Variants in CILP observed in about 807,000 individuals in gnomAD.
CILP encodes the protein cartilage intermediate layer protein.
In CILP, 75 loss-of-function variants were observed where a neutral mutation model predicts 82.5. The ratio of observed to expected loss-of-function variants is 0.91; its 90% CI spans 0.75 to 1.10. The LOEUF (loss-of-function observed/expected upper bound fraction) is 1.10, where lower values mean the gene tolerates loss of function less well. Among genes scored for constraint, CILP ranks in the 50% least tolerant of loss-of-function variants. The probability of loss-of-function intolerance (pLI) is 0.00; values close to 1 mark genes in which losing one functional copy is unlikely to be tolerated. For synonymous variants in CILP, 530 were observed against 580.3 expected, an observed-to-expected ratio of 0.91 and a Z score of 1.25; for missense variants, 1,479 against 1,530.8, an observed-to-expected ratio of 0.97 and a Z score of 0.56.
rs1385381218 is a variant in CILP, at chr15:65,197,986, C to G, written c.2300G>C (p.Ser767Thr). The change falls in exon 9 of 9, where the codon AGT (serine) becomes ACT (threonine). Residue 767 changes from serine (S) to threonine (T), a missense_variant. Coordinates refer to ENST00000261883, the MANE Select transcript of CILP (RefSeq NM_003613.4). The part of the protein sequence containing the change: ...RAYRSERFLP[S>T]EQIQGVVISV... ...GATCACAACCCCCTGGATCTGCTCACTAGGCAAGAACCTCTCACTCCGGTA... is the reference window on the plus strand; with the variant it reads ...GATCACAACCCCCTGGATCTGCTCAGTAGGCAAGAACCTCTCACTCCGGTA... 6 of 1,614,104 alleles carry G rather than the reference C, an allele frequency of 3.7e-6. No homozygotes were observed. The highest frequency in any genetic ancestry group is 1.7e-5 in the Admixed American group (1 of 60,012).
In CILP at chr15:65,196,016, G is replaced by C. The variant is rs1200275545; in HGVS notation, c.*715C>G. On this transcript the variant is annotated 3_prime_UTR_variant, in exon 9 of 9. Coordinates refer to ENST00000261883, the MANE Select transcript of CILP (RefSeq NM_003613.4). ...ACAGTGGCCTCAGAATCGAAATACA[G>C]AGTATGCATTTATTGACATCTGCCC... The C allele has an allele frequency of 6.6e-6, 1 of 152,210 alleles. No homozygotes were observed. The highest frequency in any genetic ancestry group is 1.5e-5 in the Non-Finnish European group (1 of 68,054). The allele number at this position is 152,210 out of a possible 1,614,324, so 9.4% of individuals were successfully genotyped here.
rs370038983 is a variant in CILP, at chr15:65,198,770, G to T, written c.1516C>A (p.Arg506Ser). The T allele has an allele frequency of 1.2e-6, 2 of 1,613,982 alleles. No individual in the cohort carries two copies. The highest frequency in any genetic ancestry group is 1.3e-5 in the African/African-American group (1 of 74,910). ...VSAADNGEPM[R>S]FGHVYMGNSR... The stretch of plus-strand genomic sequence containing the variant: ...TTCCCCATGTACACATGGCCAAAGC[G>T]CATGGGCTCCCCATTGTCAGCAGCA... Residue 506 changes from arginine (R) to serine (S), a missense_variant, in exon 9 of 9, where the codon CGC becomes AGC. Transcript: ENST00000261883.
At chr15:65,209,544 A>C in intron 2 of CILP, 151 bp downstream of exon 2, 2 of 626,596 alleles carry the variant, frequency 3.2e-6, no homozygotes, top group South Asian at 4.9e-5. Context: ...AAAAACAAAC[A>C]GGGTATAAAT....
chr15:65,202,852 T>TTC, intron 7 of CILP, among the ~76,000 whole-genome samples: 1 of 149,488 alleles, frequency 6.7e-6, no homozygotes, highest in African/African-American at 2.5e-5. Flanking sequence ...TTTTTTTTTT[T>TTC]TGAGACAAGA....
intron 4 of CILP, among the ~76,000 whole-genome samples, chr15:65,205,798 C>T (rs1044653517): frequency 6.6e-6 from 1 of 152,188 alleles, no homozygotes; most frequent in African/African-American, 2.4e-5. Context: ...GCCACATGCT[C>T]CTATGGAAGG....
Position 65,198,508 on chromosome 15 carries a change from A to G in CILP, c.1778T>C (p.Val593Ala). 1 of 1,614,224 alleles carries G rather than the reference A, an allele frequency of 6.2e-7. No homozygotes were observed. Among genetic ancestry groups the G allele is most frequent in the Non-Finnish European group, 8.5e-7 (1 of 1,180,038 alleles). The change falls in exon 9 of 9, where the codon GTT becomes GCT. Residue 593 changes from valine to alanine, a missense_variant. Val to Ala is a moderately conservative substitution (Grantham distance 64). Coordinates refer to ENST00000261883, the MANE Select transcript of CILP (RefSeq NM_003613.4). ...ETNIIPLGEV[V>A]GEDPMAELEI... is the part of the protein sequence containing the mutation. Reference sequence around the variant, plus strand: ...CAGTTCAGCCATGGGGTCTTCACCAACCACTTCCCCCAGGGGGATGATGTT... The same window carrying G: ...CAGTTCAGCCATGGGGTCTTCACCAGCCACTTCCCCCAGGGGGATGATGTT...
At chr15:65,211,148 G>A (rs975521544) in intron 1 of CILP, among the ~76,000 whole-genome samples, 27 of 152,164 alleles carry the variant, frequency 1.8e-4, no homozygotes, top group African/African-American at 5.3e-4. Flanking sequence ...CTGGCTGACC[G>A]CAGGGAATAA....
In CILP at chr15:65,204,366, A is replaced by G; in HGVS notation, c.821T>C (p.Ile274Thr). ...IPGLCPDGKS[I>T]LKITKVKFAP... ...AAACTTGACCTTTGTGATCTTCAGG[A>G]TGCTTTTGCCATCAGGGCACAAGCC... The change falls in exon 6 of 9, where the codon ATC becomes ACC. Residue 274 changes from isoleucine to threonine, a missense_variant. Coordinates refer to ENST00000261883, the MANE Select transcript of CILP (RefSeq NM_003613.4). 6.2e-7 allele frequency: 1 copy of G among 1,614,226 alleles called. No homozygotes were observed. The highest frequency in any genetic ancestry group is 8.5e-7 in the Non-Finnish European group (1 of 1,180,030).
rs766109430 is a variant in CILP, at chr15:65,196,921, C to T, written c.3365G>A (p.Arg1122Lys). 2.5e-6 allele frequency: 4 copies of T among 1,613,334 alleles called. No homozygotes were observed. The highest frequency in any genetic ancestry group is 2.5e-6 in the Non-Finnish European group (3 of 1,179,624). ...GAAGGCACTCTGGCGGCCTACTTGC[C>T]TCTCTACACAGTTGAAGGTGAGGGC... ...GVALTFNCVERQVGRQSAFQY... is the reference protein window; with the variant it reads ...GVALTFNCVEKQVGRQSAFQY... The change falls in exon 9 of 9, where the codon AGG becomes AAG. Residue 1122 changes from arginine to lysine, a missense_variant. Transcript: ENST00000261883.
Position 65,196,878 on chromosome 15 carries a change from G to A in CILP, c.3408C>T (p.Thr1136=). The part of the protein sequence containing the change: ...RQSAFQYLQS[T]PAQSPAAGTV... ...TGCCTGCAGCAGGGGACTGGGCTGG[G>A]GTGCTTTGGAGGTACTGGAAGGCAC... is the stretch of plus-strand genomic sequence containing the variant. Residue 1136 remains threonine (T), a synonymous_variant, in exon 9 of 9, where the codon ACC becomes ACT. Transcript: ENST00000261883. 1.2e-6 allele frequency: 2 copies of A among 1,613,868 alleles called. No individual in the cohort carries two copies. The highest frequency in any genetic ancestry group is 1.7e-6 in the Non-Finnish European group (2 of 1,179,942).
rs756113113 is a variant in CILP at position 65,198,494 on chromosome 15, T to C, written c.1792A>G (p.Met598Val). The stretch of plus-strand genomic sequence containing the variant: ...CTGGATGGAATCTCCAGTTCAGCCA[T>C]GGGGTCTTCACCAACCACTTCCCCC... ...PLGEVVGEDP[M>V]AELEIPSRSF... The change falls in exon 9 of 9, where the codon ATG becomes GTG. Residue 598 changes from methionine to valine, a missense_variant. Coordinates refer to ENST00000261883, the MANE Select transcript of CILP (RefSeq NM_003613.4). The C allele has an allele frequency of 6.2e-5, 100 of 1,614,112 alleles. No homozygotes were observed. The highest frequency in any genetic ancestry group is 8.1e-5 in the Non-Finnish European group (95 of 1,180,052).
At chr15:65,200,642 C>T (rs2088438347) in intron 8 of CILP, among the ~76,000 whole-genome samples, 1 of 152,122 alleles carries the variant, frequency 6.6e-6, no homozygotes, top group South Asian at 2.1e-4. Context: ...ATGCTGGCCC[C>T]TCAATCTGGA....
rs1427896515 is a variant in CILP at position 65,197,449 on chromosome 15, G to A, written c.2837C>T (p.Pro946Leu). ...SWTEDYLAWWPKPMEFRACYI... is the reference protein window; with the variant it reads ...SWTEDYLAWWLKPMEFRACYI... ...GCAGGCCCTGAATTCCATCGGCTTT[G>A]GCCACCATGCCAGATAGTCTTCAGT... Residue 946 changes from proline to leucine, a missense_variant, in exon 9 of 9, where the codon CCA (proline) becomes CTA (leucine). By Grantham distance (98) the Pro-to-Leu change is moderately conservative. Coordinates refer to ENST00000261883, the MANE Select transcript of CILP (RefSeq NM_003613.4). 6.2e-7 allele frequency: 1 copy of A among 1,614,186 alleles called. No homozygotes were observed. Among genetic ancestry groups the A allele is most frequent in the East Asian group, 2.2e-5 (1 of 44,884 alleles).
At chr15:65,199,603 G>T (rs2088425475) in intron 8 of CILP, among the ~76,000 whole-genome samples, 1 of 152,166 alleles carries the variant, frequency 6.6e-6, no homozygotes, top group African/African-American at 2.4e-5. Flanking sequence ...TGGGTGGGTT[G>T]CTTGAGCCTA....
Position 65,198,988 on chromosome 15 carries a change from G to A in CILP, c.1298C>T (p.Pro433Leu). The part of the protein sequence containing the change: ...NSFYYDVGRC[P>L]VKTCAGQQDN... Reference sequence around the variant, plus strand: ...CTGCTGCCCTGCACAAGTCTTAACAGGGCAGCGTCCCACGTCATAGTAGAA... The same window carrying A: ...CTGCTGCCCTGCACAAGTCTTAACAAGGCAGCGTCCCACGTCATAGTAGAA... Residue 433 changes from proline to leucine, a missense_variant, in exon 9 of 9, where the codon CCT (proline) becomes CTT (leucine). Coordinates refer to ENST00000261883, the MANE Select transcript of CILP (RefSeq NM_003613.4). The A allele has an allele frequency of 6.2e-7, 1 of 1,612,656 alleles. No homozygotes were observed. The highest frequency in any genetic ancestry group is 1.1e-5 in the South Asian group (1 of 91,084).
In CILP at chr15:65,198,377, C is replaced by T; in HGVS notation, c.1909G>A (p.Ala637Thr). 5.0e-6 allele frequency: 8 copies of T among 1,614,230 alleles called. No individual in the cohort carries two copies. The highest frequency in any genetic ancestry group is 6.8e-6 in the Non-Finnish European group (8 of 1,180,044). ...LDPRNISTAT[A>T]AQTDLNFIND... is the part of the protein sequence containing the mutation. ...ATGAAGTTCAGGTCAGTCTGGGCAG[C>T]TGTGGCTGTGGAAATATTCCGGGGA... The change falls in exon 9 of 9, where the codon GCT becomes ACT. Residue 637 changes from alanine to threonine, a missense_variant. Coordinates refer to ENST00000261883, the MANE Select transcript of CILP (RefSeq NM_003613.4).
At chr15:65,200,453 C>CGTTTT (rs3058014) in intron 8 of CILP, among the ~76,000 whole-genome samples, 149,031 of 151,794 alleles carry the variant, frequency 0.98, 73,166 homozygotes, top group Middle Eastern at 0.99. Context: ...TCCTTCTCTG[C>CGTTTT]GTTTTGTTTT....
rs201640053 is a variant in CILP at position 65,201,940 on chromosome 15, T to G, written c.1118A>C (p.Glu373Ala). The change falls in exon 8 of 9, where the codon GAG becomes GCG. Residue 373 changes from glutamate to alanine, a missense_variant. Coordinates refer to ENST00000261883, the MANE Select transcript of CILP (RefSeq NM_003613.4). The stretch of plus-strand genomic sequence containing the variant: ...ATCACTCTGGGCCTTGCAAAAGTAC[T>G]CCCCAGCCTGGTGCTGCTGCAGTTT... ...LRKLQQHQAG[E>A]YFCKAQSDAG... 6 of 1,608,602 alleles carry G rather than the reference T, an allele frequency of 3.7e-6. No individual in the cohort carries two copies. In the Middle Eastern group the frequency reaches 5.1e-4, roughly 136 times the overall value.
Position 65,209,832 on chromosome 15 carries a change from T to C in CILP, c.-77A>G. 7.5e-7 allele frequency: 1 copy of C among 1,335,940 alleles called. No homozygotes were observed. The highest frequency in any genetic ancestry group is 1.1e-6 in the Non-Finnish European group (1 of 932,584). The allele number at this position is 1,335,940 out of a possible 1,614,324, so 82.8% of individuals were successfully genotyped here. On this transcript the variant is annotated 5_prime_UTR_variant, in exon 2 of 9. Coordinates refer to ENST00000261883, the MANE Select transcript of CILP (RefSeq NM_003613.4). ...CAGAGTCACTGACTCTGGAATGCGG[T>C]CCCCTGGGAAGTTTCTCAGATCCAG...
Sources: gnomAD v4.1 joint callset for allele counts (sites outside exome capture counted in the v4.1 genomes callset) on GRCh38, gnomAD v4.1.1 for gene constraint, MANE v1.5 for transcripts, NCBI Gene and HGNC (gene_info 2026-07-23, HGNC 2026-07-21) for gene names.